The following SDK2 variants were observed in gnomAD, a reference collection of about 807,000 sequenced individuals.
SDK2 encodes the protein protein sidekick-2.
A neutral mutation model predicts 253.9 loss-of-function variants in SDK2; 105 were observed. That is an observed-to-expected ratio of 0.41 (90% CI 0.35 to 0.49). The LOEUF (loss-of-function observed/expected upper bound fraction) is 0.49, where lower values mean the gene tolerates loss of function less well. SDK2 is among the 20% of genes least tolerant of loss of function. The pLI, the probability that SDK2 is intolerant of heterozygous loss-of-function variation, is 0.06. For synonymous variants in SDK2, 1,249 were observed against 1,234.9 expected (o/e 1.01, Z -0.24); for missense variants, 2,608 against 3,003.0 (o/e 0.87, Z 3.07).
In SDK2 at chr17:73,415,769, A is replaced by G. The variant is rs370831921; in HGVS notation, c.2368+42T>C. On this transcript the variant is annotated intron_variant, in intron 17 of 44. Transcript: ENST00000392650. ...GTCCCAAAGTGCTAGGATTACACGC[A>G]TGAGCCACCGCGCCTGGTCTGAGAC... The G allele has an allele frequency of 6.6e-6, 10 of 1,519,602 alleles. No individual in the cohort carries two copies. The African/African-American group carries it at 6.9e-5, about 10-fold the overall frequency. The allele number at this position is 1,519,602 out of a possible 1,614,324, so 94.1% of individuals were successfully genotyped here.
chr17:73,436,817 G>A (rs2063373612), intron 8 of SDK2, among the ~76,000 whole-genome samples: 3 of 151,938 alleles, frequency 2.0e-5, no homozygotes, highest in South Asian at 4.2e-4. Context: ...AATTTAATTG[G>A]CTGCCTTTTT....
intron 1 of SDK2, among the ~76,000 whole-genome samples, chr17:73,556,454 G>A (rs1252230848): frequency 6.6e-6 from 1 of 152,186 alleles, no homozygotes; most frequent in African/African-American, 2.4e-5. Context: ...AGGTATGTCT[G>A]GGCAGCCCAT....
intron 1 of SDK2, among the ~76,000 whole-genome samples, chr17:73,510,413 C>A (rs1313853569): frequency 6.6e-6 from 1 of 152,202 alleles, no homozygotes; most frequent in African/African-American, 2.4e-5. Flanking sequence ...GAGGGGCAAA[C>A]CTGAGGGTGG....
At chr17:73,358,666 T>C (rs2062613999) in intron 39 of SDK2, among the ~76,000 whole-genome samples, 2 of 150,252 alleles carry the variant, frequency 1.3e-5, no homozygotes, top group East Asian at 3.9e-4. Context: ...GAGGAGGGGG[T>C]TGGTCGGAGC....
At position 73,338,261 on chromosome 17, in the gene SDK2, C is replaced by T. The variant is rs772343776; in HGVS notation, c.*326G>A. 15 of 484,504 alleles carry T rather than the reference C, an allele frequency of 3.1e-5. No individual in the cohort carries two copies. Among genetic ancestry groups the T allele is most frequent in the African/African-American group, 1.6e-4 (8 of 51,256 alleles). 30.0% of individuals were successfully genotyped at this position (484,504 alleles called of 1,614,324 possible). ...CTGGCGGCCTCCAGTCCTTAGCCTC[C>T]GCTCCCTCTCTCTCTCCAGATGCCC... On this transcript the variant is annotated 3_prime_UTR_variant, in exon 45 of 45. Transcript: ENST00000392650. This position sits in a 1 kb window ranked among gnomAD's most constrained non-coding sequence, Gnocchi z 5.0.
At chr17:73,617,996 G>A (rs1041587600) in intron 1 of SDK2, among the ~76,000 whole-genome samples, 7 of 152,190 alleles carry the variant, frequency 4.6e-5, no homozygotes, top group Non-Finnish European at 8.8e-5. Context: ...GCTGTCTGAC[G>A]AGTTAACCAC....
At position 73,340,305 on chromosome 17, in the gene SDK2, C is replaced by A. The variant is rs561296655; in HGVS notation, c.6166-1365G>T. On this transcript the variant is annotated intron_variant, in intron 44 of 44. Coordinates refer to ENST00000392650, the MANE Select transcript of SDK2 (RefSeq NM_001144952.2). The stretch of plus-strand genomic sequence containing the variant: ...ATCCAGCCCTGAATCATTTCCATCA[C>A]CCCAAAGTAAAACCTTGTACCCAGG... Among the ~76,000 whole-genome samples the A allele has an allele frequency of 1.2e-4, 19 of 152,330 alleles. No individual in the cohort carries two copies. The South Asian group carries it at 3.9e-3, about 32-fold the overall frequency.
At position 73,618,490 on chromosome 17, in the gene SDK2, A is replaced by C. The variant is rs2046087818; in HGVS notation, c.64+25535T>G. ...GCCCTTTTAGAATCATGACCTCTTA[A>C]TTAATCAGCAAGGAACTATAAAAAA... On this transcript the variant is annotated intron_variant, in intron 1 of 44. Coordinates refer to ENST00000392650, the MANE Select transcript of SDK2 (RefSeq NM_001144952.2). This position sits in a 1 kb window ranked among gnomAD's most constrained non-coding sequence, Gnocchi z 4.1. Among the ~76,000 whole-genome samples, 1 of 152,228 alleles carries C rather than the reference A, an allele frequency of 6.6e-6. No homozygotes were observed. The highest frequency in any genetic ancestry group is 2.4e-5 in the African/African-American group (1 of 41,446).
At chr17:73,641,943 G>C (rs183983483) in intron 1 of SDK2, among the ~76,000 whole-genome samples, 27 of 152,258 alleles carry the variant, frequency 1.8e-4, no homozygotes, top group Admixed American at 1.7e-3. Flanking sequence ...CACAGCAGGA[G>C]AGGGCTCGAT....
chr17:73,359,604 C>T (rs2062624113), intron 39 of SDK2, among the ~76,000 whole-genome samples: 1 of 152,208 alleles, frequency 6.6e-6, no homozygotes, highest in South Asian at 2.1e-4. Flanking sequence ...TGTTCCCCGC[C>T]TGCAGACCGC....
At chr17:73,473,221 T>TG (rs1255468862) in intron 2 of SDK2, among the ~76,000 whole-genome samples, 2 of 152,080 alleles carry the variant, frequency 1.3e-5, no homozygotes, top group Non-Finnish European at 2.9e-5. Context: ...ACTCTGGCAT[T>TG]GGGGGGCAGG....
At chr17:73,343,896 T>C (rs1196545311) in intron 44 of SDK2, among the ~76,000 whole-genome samples, 2 of 152,240 alleles carry the variant, frequency 1.3e-5, no homozygotes, top group East Asian at 3.9e-4. Context: ...GACAGAGAAG[T>C]CACCTTGTGA....
At chr17:73,407,369 A>G (rs1446224865) in intron 18 of SDK2, among the ~76,000 whole-genome samples, 1 of 152,182 alleles carries the variant, frequency 6.6e-6, no homozygotes, top group Non-Finnish European at 1.5e-5. Flanking sequence ...TGATGGGTCC[A>G]TTTGTACCAC....
rs1436806921 is a variant in SDK2, at chr17:73,629,350, G to C, written c.64+14675C>G. Among the ~76,000 whole-genome samples the C allele has an allele frequency of 6.6e-6, 1 of 152,166 alleles. No homozygotes were observed. The highest frequency in any genetic ancestry group is 2.4e-5 in the African/African-American group (1 of 41,436). ...TAGATGATTCACCGTGGTTTAAGCTGCTGTTTCCCTCCTGACGCTTGCATA... is the reference window on the plus strand; with the variant it reads ...TAGATGATTCACCGTGGTTTAAGCTCCTGTTTCCCTCCTGACGCTTGCATA... On this transcript the variant is annotated intron_variant, in intron 1 of 44. Coordinates refer to ENST00000392650, the MANE Select transcript of SDK2 (RefSeq NM_001144952.2). The surrounding 1 kb of genome is among the most constrained non-coding windows in gnomAD (Gnocchi z 5.0).
At position 73,338,973 on chromosome 17, in the gene SDK2, G is replaced by T. The variant is rs376367931; in HGVS notation, c.6166-33C>A. ...GACAGAGAATCAGGGTGTGTCAGTG[G>T]CCCCGTAGGGACAGGCCATTGTGGT... On this transcript the variant is annotated intron_variant, in intron 44 of 44. Coordinates refer to ENST00000392650, the MANE Select transcript of SDK2 (RefSeq NM_001144952.2). The surrounding 1 kb of genome is among the most constrained non-coding windows in gnomAD (Gnocchi z 5.0). 1.7e-5 allele frequency: 27 copies of T among 1,584,590 alleles called. No homozygotes were observed. Among genetic ancestry groups the T allele is most frequent in the Non-Finnish European group, 2.3e-5 (27 of 1,153,536 alleles).
At chr17:73,499,790 A>G (rs371111349) in intron 2 of SDK2, among the ~76,000 whole-genome samples, 9 of 152,146 alleles carry the variant, frequency 5.9e-5, no homozygotes, top group African/African-American at 1.9e-4. Flanking sequence ...AGATGACGGC[A>G]GTAAAGGACT....
chr17:73,593,275 C>A (rs183673091), intron 1 of SDK2, among the ~76,000 whole-genome samples: 2 of 152,284 alleles, frequency 1.3e-5, no homozygotes, highest in East Asian at 3.9e-4. Flanking sequence ...GGGGCCCAGA[C>A]ACCTCTGTAA....
chr17:73,597,269 G>A (rs2045773246), intron 1 of SDK2, among the ~76,000 whole-genome samples: 1 of 152,198 alleles, frequency 6.6e-6, no homozygotes, highest in Non-Finnish European at 1.5e-5. Context: ...ACGGGGAGCT[G>A]CCCTGGGTGG....
chr17:73,339,878 C>CT lies in SDK2; in HGVS notation c.6166-939dup, dbSNP rs367740130. Among the ~76,000 whole-genome samples, 1,001 of 147,674 alleles carry CT rather than the reference C, an allele frequency of 6.8e-3. 8 individuals carry two copies. Among genetic ancestry groups the CT allele is most frequent in the African/African-American group, 0.012 (476 of 40,314 alleles). ...TACCTTTGTTTTCTTTTCTTTCTTT[C>CT]TTTTTTTTTTGATACGCAGTTTCAC... On this transcript the variant is annotated intron_variant, in intron 44 of 44. Transcript: ENST00000392650.
Sources: allele counts gnomAD v4.1 joint callset (sites outside exome capture counted in the v4.1 genomes callset), GRCh38; gene constraint gnomAD v4.1.1; non-coding constraint Gnocchi (gnomAD v3.1); transcripts MANE v1.5; gene names NCBI Gene and HGNC (gene_info 2026-07-23, HGNC 2026-07-21).